Variants in ALK observed in about 807,000 individuals in gnomAD.
The protein encoded by ALK is ALK receptor tyrosine kinase, also known as ALK tyrosine kinase receptor.
ALK carries 74 observed loss-of-function variants against 163.1 expected under a neutral mutation model. That is an observed-to-expected ratio of 0.45 (90% CI 0.38 to 0.55). The LOEUF (loss-of-function observed/expected upper bound fraction) is 0.55, where lower values mean the gene tolerates loss of function less well. Ranked by LOEUF, ALK falls within the 20% of genes least tolerant of loss-of-function variation. The pLI is 0.00. For synonymous variants in ALK, 960 were observed against 843.2 expected, an observed-to-expected ratio of 1.14 and a Z score of -2.40; for missense variants, 2,063 against 2,105.3, an observed-to-expected ratio of 0.98 and a Z score of 0.39.
chr2:29,814,944 G>T (rs1664856725), intron 1 of ALK, among the ~76,000 whole-genome samples: 1 of 150,110 alleles, frequency 6.7e-6, no homozygotes. Flanking sequence ...ATCACAGAAT[G>T]CCAGGTTTTA....
intron 4 of ALK, among the ~76,000 whole-genome samples, chr2:29,454,009 A>G (rs1050821819): frequency 6.6e-6 from 1 of 152,174 alleles, no homozygotes; most frequent in Non-Finnish European, 1.5e-5. Flanking sequence ...CCCCCAAAAG[A>G]GTTCTCCAGC....
At chr2:29,470,167 T>A (rs1671314966) in intron 4 of ALK, among the ~76,000 whole-genome samples, 1 of 151,676 alleles carries the variant, frequency 6.6e-6, no homozygotes, top group African/African-American at 2.4e-5. Flanking sequence ...GAAGAGAGAC[T>A]CACAGAAAAT....
At chr2:29,809,893 T>C (rs910847587) in intron 1 of ALK, among the ~76,000 whole-genome samples, 1 of 152,228 alleles carries the variant, frequency 6.6e-6, no homozygotes, top group Non-Finnish European at 1.5e-5. Flanking sequence ...AGTTTGTATT[T>C]TGTGGTCTGT....
At chr2:29,529,562 C>T (rs962547902) in intron 4 of ALK, among the ~76,000 whole-genome samples, 23 of 152,230 alleles carry the variant, frequency 1.5e-4, no homozygotes, top group South Asian at 4.1e-4. Context: ...CCTTTGTGAT[C>T]CCAAACTCTG....
At chr2:29,831,507 G>C (rs145700872) in intron 1 of ALK, among the ~76,000 whole-genome samples, 2 of 152,182 alleles carry the variant, frequency 1.3e-5, no homozygotes, top group African/African-American at 4.8e-5. Flanking sequence ...CTCCTCTCCT[G>C]TTTTTACTGT....
chr2:29,668,258 G>C (rs571985162), intron 3 of ALK, among the ~76,000 whole-genome samples: 1 of 150,982 alleles, frequency 6.6e-6, no homozygotes. Context: ...TATTTTTTTA[G>C]TCTCAGTTTC....
At chr2:29,582,421 C>A (rs545788860) in intron 3 of ALK, among the ~76,000 whole-genome samples, 3 of 152,254 alleles carry the variant, frequency 2.0e-5, no homozygotes, top group Admixed American at 1.3e-4. Context: ...CTCATAGGAC[C>A]AGTCTGATAA....
chr2:29,217,059 GTATGTGTATGTGTA>G (rs1186819302), intron 23 of ALK, among the ~76,000 whole-genome samples: 1 of 143,002 alleles, frequency 7.0e-6, no homozygotes, highest in Admixed American at 7.0e-5. Context: ...GGTGTGTGTT[GTATGTGTATGTGTA>G]GTGTATGTAA....
intron 1 of ALK, among the ~76,000 whole-genome samples, chr2:29,814,841 G>A (rs79159642): frequency 9.0e-6 from 1 of 110,930 alleles, no homozygotes; most frequent in South Asian, 3.2e-4. Context: ...GAAATTGTAA[G>A]TACAATTTAA....
chr2:29,606,645 C>A (rs569834485), intron 3 of ALK, among the ~76,000 whole-genome samples: 12 of 152,324 alleles, frequency 7.9e-5, no homozygotes, highest in Middle Eastern at 3.4e-3. Context: ...TGGCCCATTG[C>A]CTGTTTTTGT....
In ALK at chr2:29,382,475, G is replaced by A. The variant is rs143926821; in HGVS notation, c.1282+1257C>T. ...ATTTTTGCAGGAGTATTTGTTGTGG[G>A]CCTGATATCTGGACTTTTGCAGTTT... On this transcript the variant is annotated intron_variant, in intron 5 of 28. Coordinates refer to ENST00000389048, the MANE Select transcript of ALK (RefSeq NM_004304.5). 3.3e-3 allele frequency among the ~76,000 whole-genome samples: 503 copies of A among 152,280 alleles called. 2 individuals are homozygous for A. Among genetic ancestry groups the A allele is most frequent in the Non-Finnish European group, 5.1e-3 (344 of 68,018 alleles).
chr2:29,275,296 A>G, intron 10 of ALK, 69 bp from the exon 11 acceptor site: 1 of 1,609,706 alleles, frequency 6.2e-7, no homozygotes, highest in Non-Finnish European at 8.5e-7. Context: ...ATGATTTCAC[A>G]CTGAGGGAGG....
At chr2:29,526,577 T>C (rs192340879) in intron 4 of ALK, among the ~76,000 whole-genome samples, 444 of 152,348 alleles carry the variant, frequency 2.9e-3, no homozygotes, top group Non-Finnish European at 5.2e-3. Context: ...GCTGACTCTA[T>C]GAATGACTTT....
chr2:29,354,910 G>A (rs1174536972), intron 5 of ALK, among the ~76,000 whole-genome samples: 1 of 152,000 alleles, frequency 6.6e-6, no homozygotes, highest in Non-Finnish European at 1.5e-5. Flanking sequence ...AGGACTACAG[G>A]TGCCTGCCAC....
chr2:29,691,503 G>A (rs1379772271), intron 3 of ALK, among the ~76,000 whole-genome samples: 1 of 152,096 alleles, frequency 6.6e-6, no homozygotes, highest in East Asian at 1.9e-4. Context: ...TCAGAGCAAT[G>A]GAAGTTGACA....
intron 3 of ALK, among the ~76,000 whole-genome samples, chr2:29,648,401 T>C (rs759852741): frequency 6.6e-6 from 1 of 152,164 alleles, no homozygotes; most frequent in Non-Finnish European, 1.5e-5. Context: ...TTGGTGGTAT[T>C]AAGTACATTC....
intron 11 of ALK, among the ~76,000 whole-genome samples, chr2:29,251,536 G>A (rs1224922738): frequency 6.6e-6 from 1 of 152,210 alleles, no homozygotes; most frequent in African/African-American, 2.4e-5. Flanking sequence ...TACTATGAGA[G>A]ACCCAAAGGG....
chr2:29,366,200 G>C lies in ALK; in HGVS notation c.1282+17532C>G, dbSNP rs1668502971. Among the ~76,000 whole-genome samples, 4 of 152,238 alleles carry C rather than the reference G, an allele frequency of 2.6e-5. No individual in the cohort carries two copies. In the South Asian group the frequency reaches 8.3e-4, roughly 32 times the overall value. On this transcript the variant is annotated intron_variant, in intron 5 of 28. Coordinates refer to ENST00000389048, the MANE Select transcript of ALK (RefSeq NM_004304.5). ...TAGTCAAAAGTCACAGAGTGAGGCA[G>C]AATGTGCAGTGATGTGGAACAGACC...
intron 4 of ALK, among the ~76,000 whole-genome samples, chr2:29,410,878 C>A (rs966353408): frequency 7.9e-5 from 12 of 152,136 alleles, no homozygotes; most frequent in African/African-American, 2.4e-4. Context: ...TTAGGCTACA[C>A]TGAATTAATA....
Sources: allele counts gnomAD v4.1 joint callset (sites outside exome capture counted in the v4.1 genomes callset), GRCh38; gene constraint gnomAD v4.1.1; transcripts MANE v1.5; gene names NCBI Gene and HGNC (gene_info 2026-07-23, HGNC 2026-07-21).